Variants in BTBD8 observed in about 807,000 individuals in gnomAD.
BTBD8 encodes the protein BTB domain containing 8, also known as BTB/POZ domain-containing protein 8.
A neutral mutation model predicts 162.9 loss-of-function variants in BTBD8; 110 were observed. That is an observed-to-expected ratio of 0.68 (90% CI 0.58 to 0.79). The LOEUF (loss-of-function observed/expected upper bound fraction) is 0.79, where lower values mean the gene tolerates loss of function less well. Among genes scored for constraint, BTBD8 ranks in the 30% least tolerant of loss-of-function variants. BTBD8 has a pLI of 0.00. For missense variants in BTBD8, 1,905 were observed against 2,085.4 expected (o/e 0.91, Z 1.68); for synonymous variants, 667 against 716.1 (o/e 0.93, Z 1.10).
rs184101262 is a variant in BTBD8, at chr1:92,180,368, A to G, written c.2685A>G (p.Gln895=). 2.1e-5 allele frequency: 32 copies of G among 1,551,700 alleles called. No homozygotes were observed. The highest frequency in any genetic ancestry group is 3.9e-5 in the Admixed American group (2 of 51,012). Residue 895 remains glutamine, a synonymous_variant, in exon 17 of 18, where the codon CAA becomes CAG. Transcript: ENST00000636805. The stretch of plus-strand genomic sequence containing the variant: ...ACCACAATACAACTACAGAGAAACA[A>G]GCACCTAAGAGAAAAATGGTCAAGC... ...KLDHNTTTEK[Q]APKRKMVKQV...
chr1:92,129,695 T>G lies in BTBD8; in HGVS notation c.671T>G (p.Leu224Trp). Residue 224 changes from leucine to tryptophan, a missense_variant, in exon 5 of 18, where the codon TTG becomes TGG. By Grantham distance (61) the Leu-to-Trp change is moderately conservative (BLOSUM62 -2). Transcript: ENST00000636805. ...CCCCCTCTTCCCTTTAGGGCCATTT[T>G]GAGTGCCAGATCTAGTTATTTTGCT... is the stretch of plus-strand genomic sequence containing the variant. ...GKRFKAHRAI[L>W]SARSSYFAAM... The G allele has an allele frequency of 6.2e-7, 1 of 1,613,990 alleles. No homozygotes were observed. The highest frequency in any genetic ancestry group is 8.5e-7 in the Non-Finnish European group (1 of 1,179,862).
rs528956055 is a variant in BTBD8 at position 92,130,031 on chromosome 1, G to A, written c.752+255G>A. Among the ~76,000 whole-genome samples the A allele has an allele frequency of 4.6e-5, 7 of 152,228 alleles. No homozygotes were observed. In the South Asian group the frequency reaches 1.2e-3, roughly 27 times the overall value. On this transcript the variant is annotated intron_variant, in intron 5 of 17. Transcript: ENST00000636805. ...AAACAACAGGTATTTATTTTCTCAC[G>A]GTTCTGGAAACTGGAAGTTCAAGAT... is the stretch of plus-strand genomic sequence containing the variant.
chr1:92,177,073 G>C lies in BTBD8; in HGVS notation c.1880G>C (p.Gly627Ala). 6.4e-7 allele frequency: 1 copy of C among 1,551,406 alleles called. No homozygotes were observed. Among genetic ancestry groups the C allele is most frequent in the Non-Finnish European group, 8.7e-7 (1 of 1,146,912 alleles). ...ATTACAAAAGAACTAAAAACTGGGG[G>C]AAAAAATGTTTCTGGAAAGCCCAAA... The part of the protein sequence containing the change: ...SKITKELKTG[G>A]KNVSGKPKTV... The change falls in exon 14 of 18, where the codon GGA becomes GCA. Residue 627 changes from glycine to alanine, a missense_variant. Around this residue, in one of 3 missense-constraint regions of BTBD8, gnomAD observed 1,374 missense variants for 1,442.7 expected, o/e 0.95. Transcript: ENST00000636805.
intron 2 of BTBD8, 48 bp from the exon 3 acceptor site, chr1:92,102,425 A>G: frequency 8.2e-7 from 1 of 1,214,386 alleles, no homozygotes; most frequent in Non-Finnish European, 1.1e-6. Context: ...CTTTCTTTTT[A>G]AGAATCACCA....
At chr1:92,092,129 A>G (rs1249305199) in intron 2 of BTBD8, among the ~76,000 whole-genome samples, 1 of 152,130 alleles carries the variant, frequency 6.6e-6, no homozygotes, top group Non-Finnish European at 1.5e-5. Flanking sequence ...GGGCGGGTAC[A>G]GTGACTCATA....
In BTBD8 at chr1:92,103,702, G is replaced by A. The variant is rs540753554; in HGVS notation, c.544+1033G>A. Among the ~76,000 whole-genome samples, 24 of 152,292 alleles carry A rather than the reference G, an allele frequency of 1.6e-4. No homozygotes were observed. In the Middle Eastern group the frequency reaches 0.017, roughly 108 times the overall value. On this transcript the variant is annotated intron_variant, in intron 3 of 17. Transcript: ENST00000636805. ...CCTTTCTTTGGAAGGTAAATCTTTG[G>A]GAGGGGAGGAGAAGGTAGTTTCCTT...
At chr1:92,177,778 C>A in intron 14 of BTBD8, 33 bp from the exon 15 acceptor site, 1 of 1,220,970 alleles carries the variant, frequency 8.2e-7, no homozygotes, top group Non-Finnish European at 1.2e-6. Flanking sequence ...TTAATGTATT[C>A]TCTCTTATGA....
chr1:92,081,990 A>G (rs1278444083), intron 1 of BTBD8, among the ~76,000 whole-genome samples: 2 of 152,292 alleles, frequency 1.3e-5, no homozygotes, highest in Non-Finnish European at 1.5e-5. Flanking sequence ...GGGACTATCT[A>G]CTGGGGAAGC....
intron 10 of BTBD8, among the ~76,000 whole-genome samples, 194 bp downstream of exon 10, chr1:92,167,334 G>A (rs760139796): frequency 2.6e-5 from 4 of 152,202 alleles, no homozygotes; most frequent in East Asian, 1.9e-4. Flanking sequence ...TGAGAAAGGC[G>A]AGAGGGACAG....
chr1:92,164,855 T>G (rs958534768), intron 9 of BTBD8, among the ~76,000 whole-genome samples: 1 of 151,902 alleles, frequency 6.6e-6, no homozygotes, highest in African/African-American at 2.4e-5. Flanking sequence ...AGTTTCACCG[T>G]GTTGACCAGG....
intron 4 of BTBD8, among the ~76,000 whole-genome samples, chr1:92,114,576 C>A (rs1224269535): frequency 1.3e-5 from 2 of 152,146 alleles, no homozygotes; most frequent in Admixed American, 1.3e-4. Flanking sequence ...TCTTTGTCCT[C>A]TTTTATAGAA....
intron 11 of BTBD8, 29 bp from the exon 12 acceptor site, chr1:92,168,837 C>A: frequency 6.7e-7 from 1 of 1,487,518 alleles, no homozygotes; most frequent in Non-Finnish European, 9.1e-7. Flanking sequence ...GTGGCTCTCA[C>A]CAGCTGCTGA....
chr1:92,184,335 T>A lies in BTBD8; in HGVS notation c.*5T>A, dbSNP rs1390906819. 4.0e-6 allele frequency: 6 copies of A among 1,517,058 alleles called. No homozygotes were observed. The highest frequency in any genetic ancestry group is 5.3e-6 in the Non-Finnish European group (6 of 1,129,790). The allele number at this position is 1,517,058 out of a possible 1,614,324, so 94.0% of individuals were successfully genotyped here. ...GAACTGGAAACTCAGCATTAAGTGT[T>A]AACATTTTGGAAAAATTTATGCCAC... On this transcript the variant is annotated 3_prime_UTR_variant, in exon 18 of 18. Transcript: ENST00000636805.
chr1:92,182,927 A>G (rs140631669), intron 17 of BTBD8, among the ~76,000 whole-genome samples: 244 of 152,176 alleles, frequency 1.6e-3, no homozygotes, highest in Non-Finnish European at 2.8e-3. Context: ...ATTCTTGACT[A>G]TTAGAAATTT....
intron 7 of BTBD8, among the ~76,000 whole-genome samples, chr1:92,143,376 TA>T (rs1401946420): frequency 2.0e-5 from 3 of 152,202 alleles, no homozygotes; most frequent in Admixed American, 2.0e-4. Context: ...TTATTTTCAA[TA>T]ATTCACTTTA....
chr1:92,174,797 A>C (rs921563045), intron 13 of BTBD8, among the ~76,000 whole-genome samples: 4 of 152,186 alleles, frequency 2.6e-5, no homozygotes, highest in African/African-American at 9.7e-5. Flanking sequence ...GAAATGTCCC[A>C]GGCTGGTTAG....
chr1:92,173,499 C>G (rs1249257223), intron 13 of BTBD8, among the ~76,000 whole-genome samples: 10 of 152,158 alleles, frequency 6.6e-5, no homozygotes, highest in Admixed American at 1.3e-4. Context: ...CTTCCTATCC[C>G]CTGCTACTCA....
intron 13 of BTBD8, among the ~76,000 whole-genome samples, chr1:92,172,342 G>A (rs1002695248): frequency 3.3e-5 from 5 of 152,180 alleles, no homozygotes; most frequent in Admixed American, 2.6e-4. Context: ...GTTGTGCAAC[G>A]AAGTGCATGC....
chr1:92,111,972 CTGCGTA>C (rs949973346), intron 4 of BTBD8, among the ~76,000 whole-genome samples: 2 of 152,120 alleles, frequency 1.3e-5, no homozygotes, highest in African/African-American at 2.4e-5. Context: ...GTTCCCAAAC[CTGCGTA>C]TGCCATTTGA....
Sources: gnomAD v4.1 joint callset for allele counts (sites outside exome capture counted in the v4.1 genomes callset) on GRCh38, gnomAD v4.1.1 for gene constraint, gnomAD v4.1.1 regional missense constraint, MANE v1.5 for transcripts, NCBI Gene and HGNC (gene_info 2026-07-23, HGNC 2026-07-21) for gene names.